Variants in MEP1B observed in about 807,000 individuals in gnomAD.
The protein encoded by MEP1B is meprin A subunit beta, also known as N-benzoyl-L-tyrosyl-P-amino-benzoic acid hydrolase subunit beta.
Under a neutral mutation model 84.6 loss-of-function variants are expected in MEP1B, and 80 were observed. The observed-to-expected ratio is 0.95, with a 90% CI of 0.79 to 1.14. The LOEUF (loss-of-function observed/expected upper bound fraction) is 1.14, where lower values mean the gene tolerates loss of function less well. Ranked by LOEUF, MEP1B falls within the 50% of genes most tolerant of loss-of-function variation. MEP1B has a pLI of 0.00. For synonymous variants in MEP1B, 273 were observed against 288.1 expected (o/e 0.95, Z 0.53); for missense variants, 766 against 855.1 (o/e 0.90, Z 1.30).
Position 32,207,467 on chromosome 18 carries a change from T to A in MEP1B, c.763T>A (p.Cys255Ser). The A allele has an allele frequency of 1.3e-6, 2 of 1,597,754 alleles. No homozygotes were observed. The highest frequency in any genetic ancestry group is 1.7e-5 in the Admixed American group (1 of 59,334). ...CCTAAAGTTGAATCAACTGTATAAC[T>A]GCTGTATGTGACAGGTTCTTTGAAA... ...DLLKLNQLYN[C>S]SSSLSFMDSC... Residue 255 changes from cysteine (C) to serine (S), a missense_variant, in exon 8 of 15, where the codon TGC becomes AGC. Transcript: ENST00000269202.
chr18:32,210,279 C>T (rs1017944567), intron 9 of MEP1B, among the ~76,000 whole-genome samples: 2 of 152,152 alleles, frequency 1.3e-5, no homozygotes, highest in Non-Finnish European at 2.9e-5. Context: ...TGTAAGTAAA[C>T]GTTTTATAAA....
intron 6 of MEP1B, among the ~76,000 whole-genome samples, chr18:32,203,432 G>T (rs1445435941): frequency 2.6e-5 from 4 of 152,156 alleles, no homozygotes; most frequent in Non-Finnish European, 5.9e-5. Flanking sequence ...CTGAGTGGTT[G>T]CTGTCCCTGT....
intron 4 of MEP1B, among the ~76,000 whole-genome samples, chr18:32,194,346 C>A (rs1321719602): frequency 2.0e-5 from 3 of 152,156 alleles, no homozygotes; most frequent in Non-Finnish European, 2.9e-5. Context: ...TCTCTCACAG[C>A]AAAGTCATTT....
At chr18:32,214,335 G>GA (rs771521174) in intron 11 of MEP1B, among the ~76,000 whole-genome samples, 4 of 151,934 alleles carry the variant, frequency 2.6e-5, no homozygotes, top group Non-Finnish European at 5.9e-5. Context: ...CCTAGTAAAG[G>GA]AAAAAATGGA....
At chr18:32,204,054 G>C in intron 6 of MEP1B, 128 bp from the exon 7 acceptor site, 1 of 726,488 alleles carries the variant, frequency 1.4e-6, no homozygotes, top group East Asian at 2.7e-5. Flanking sequence ...GAAACGCACA[G>C]TGTTCAGATG....
rs1163583960 is a variant in MEP1B at position 32,204,222 on chromosome 18, G to T, written c.409G>T (p.Glu137Ter). 6.2e-7 allele frequency: 1 copy of T among 1,606,382 alleles called. No homozygotes were observed. The highest frequency in any genetic ancestry group is 1.3e-5 in the African/African-American group (1 of 74,658). ...AGGAAATAGGCGGGTTGGGAAGCAA[G>T]AACTTTCCATCGGGGCAAACTGTGA... Reference protein sequence around the residue: ...SVGNRRVGKQELSIGANCDRI... With the variant: ...SVGNRRVGKQ The change falls in exon 7 of 15, where the codon GAA (glutamate) becomes TAA (stop). Residue 137 changes from glutamate (E) to a stop codon, truncating the protein, a stop_gained. Transcript: ENST00000269202. LOFTEE classifies it high-confidence loss of function.
Position 32,213,199 on chromosome 18 carries a change from G to T in MEP1B, c.1219G>T (p.Gly407Cys), listed in dbSNP as rs1223704756. The T allele has an allele frequency of 1.9e-6, 3 of 1,613,856 alleles. No homozygotes were observed. The highest frequency in any genetic ancestry group is 2.5e-6 in the Non-Finnish European group (3 of 1,179,882). ...KFRVVFEGRK[G>C]SGASLGGLSI... ...TAGAGTGGTGTTTGAAGGACGCAAA[G>T]GCTCTGGTGCATCACTGGGTGGTCT... The change falls in exon 11 of 15, where the codon GGC (glycine) becomes TGC (cysteine). Residue 407 changes from glycine to cysteine, a missense_variant. Gly to Cys is a radical substitution (Grantham distance 159). Coordinates refer to ENST00000269202, the MANE Select transcript of MEP1B (RefSeq NM_005925.3).
rs531662397 is a variant in MEP1B at position 32,204,318 on chromosome 18, C to G, written c.505C>G (p.Arg169Gly). 9.4e-6 allele frequency: 15 copies of G among 1,601,788 alleles called. No homozygotes were observed. Among genetic ancestry groups the G allele is most frequent in the Admixed American group, 5.1e-5 (3 of 58,372 alleles). ...CTGGCATGAGCAGTCGCGTTCTGAC[C>G]GGGATGACTATGTCAGGATAATGTG... ...GFWHEQSRSD[R>G]DDYVRIMWDR... The change falls in exon 7 of 15, where the codon CGG becomes GGG. Residue 169 changes from arginine (R) to glycine (G), a missense_variant. Coordinates refer to ENST00000269202, the MANE Select transcript of MEP1B (RefSeq NM_005925.3).
intron 6 of MEP1B, 29 bp downstream of exon 6, chr18:32,203,039 A>T (rs764941443): frequency 7.6e-7 from 1 of 1,315,934 alleles, no homozygotes; most frequent in South Asian, 1.2e-5. Context: ...CTTCTAAGGC[A>T]TCTAAGGAGA....
intron 5 of MEP1B, among the ~76,000 whole-genome samples, chr18:32,201,877 A>C (rs1261659358): frequency 6.6e-6 from 1 of 152,206 alleles, no homozygotes; most frequent in African/African-American, 2.4e-5. Context: ...ATACCAAGTA[A>C]TCTTCCTTGA....
chr18:32,192,308 C>T (rs1282160383), intron 2 of MEP1B, among the ~76,000 whole-genome samples: 3 of 152,042 alleles, frequency 2.0e-5, no homozygotes, highest in Non-Finnish European at 4.4e-5. Context: ...GCTAGTTTGA[C>T]CAAATTTAAT....
chr18:32,213,566 A>G lies in MEP1B; in HGVS notation c.1579+7A>G, dbSNP rs953367215. 3.1e-6 allele frequency: 5 copies of G among 1,591,660 alleles called. No individual in the cohort carries two copies. The highest frequency in any genetic ancestry group is 4.3e-6 in the Non-Finnish European group (5 of 1,160,444). On this transcript the variant is annotated splice_region_variant and intron_variant, in intron 11 of 14. Coordinates refer to ENST00000269202, the MANE Select transcript of MEP1B (RefSeq NM_005925.3). ...GACCCATTTATGACCACCGGTTCGT[A>G]ACTCATTTTCTTTATTGCTAATAAA...
chr18:32,213,362 T>G lies in MEP1B; in HGVS notation c.1382T>G (p.Phe461Cys). Residue 461 changes from phenylalanine to cysteine, a missense_variant, in exon 11 of 15, where the codon TTT becomes TGT. Phe to Cys is a radical substitution (Grantham distance 205). Transcript: ENST00000269202. ...TTTTACTCTTCTAAAGGTTATGCCT[T>G]TCAGATTTACTTAAATCTAGCCCAT... is the stretch of plus-strand genomic sequence containing the variant. The part of the protein sequence containing the change: ...PPFYSSKGYA[F>C]QIYLNLAHVT... The G allele has an allele frequency of 6.2e-7, 1 of 1,613,886 alleles. No homozygotes were observed. The highest frequency in any genetic ancestry group is 8.5e-7 in the Non-Finnish European group (1 of 1,179,808).
At chr18:32,204,464 A>G (rs2040944988) in intron 7 of MEP1B, 104 bp downstream of exon 7, 1 of 968,946 alleles carries the variant, frequency 1.0e-6, no homozygotes, top group African/African-American at 1.6e-5. Context: ...TAAAACTTTG[A>G]TGTTTTGATG....
intron 14 of MEP1B, among the ~76,000 whole-genome samples, chr18:32,219,939 T>G (rs1334357754): frequency 6.6e-6 from 1 of 152,202 alleles, no homozygotes; most frequent in Non-Finnish European, 1.5e-5. Context: ...CTACAGCTAA[T>G]TCACTGGTAA....
At position 32,217,090 on chromosome 18, in the gene MEP1B, C is replaced by T. The variant is rs926275796; in HGVS notation, c.1859C>T (p.Thr620Ile). The T allele has an allele frequency of 1.1e-5, 17 of 1,613,774 alleles. No homozygotes were observed. The highest frequency in any genetic ancestry group is 3.3e-4 in the Middle Eastern group (2 of 6,084). The change falls in exon 13 of 15, where the codon ACT becomes ATT. Residue 620 changes from threonine (T) to isoleucine (I), a missense_variant. Coordinates refer to ENST00000269202, the MANE Select transcript of MEP1B (RefSeq NM_005925.3). Reference sequence around the variant, plus strand: ...ACCTGTAAAAATGACGGTGTCTGCACTGTTCGAGATGGCAAAGCTGAGTGC... The same window carrying T: ...ACCTGTAAAAATGACGGTGTCTGCATTGTTCGAGATGGCAAAGCTGAGTGC... ...KTTCKNDGVCTVRDGKAECRC... is the reference protein window; with the variant it reads ...KTTCKNDGVCIVRDGKAECRC...
chr18:32,207,115 G>A, intron 7 of MEP1B, 137 bp from the exon 8 acceptor site: 1 of 614,154 alleles, frequency 1.6e-6, no homozygotes, highest in South Asian at 2.0e-5. Flanking sequence ...TGTAAGATGG[G>A]AATAATGAAA....
intron 14 of MEP1B, 94 bp from the exon 15 acceptor site, chr18:32,220,132 GGGACT>G: frequency 1.8e-6 from 2 of 1,139,194 alleles, no homozygotes; most frequent in Non-Finnish European, 1.3e-6. Context: ...ACTGCTGATG[GGGACT>G]TCATTTAAAG....
chr18:32,217,784 GGTA>G lies in MEP1B; in HGVS notation c.1911_1913del (p.Trp637_Tyr638delinsCys). 6.2e-7 allele frequency: 1 copy of G among 1,613,716 alleles called. No individual in the cohort carries two copies. The highest frequency in any genetic ancestry group is 8.5e-7 in the Non-Finnish European group (1 of 1,179,806). On this transcript the variant is annotated inframe_deletion, in exon 14 of 15. Transcript: ENST00000269202. Reference sequence around the variant, plus strand: ...AGGTGCCAGTCAGGGGAAGACTGGTGGTACATGGGAGAAAGGTGTGAAAAGAGA... The same window carrying G: ...AGGTGCCAGTCAGGGGAAGACTGGTGCATGGGAGAAAGGTGTGAAAAGAGA...
Sources: allele counts gnomAD v4.1 joint callset (sites outside exome capture counted in the v4.1 genomes callset), GRCh38; gene constraint gnomAD v4.1.1; transcripts MANE v1.5; gene names NCBI Gene and HGNC (gene_info 2026-07-23, HGNC 2026-07-21).